The following TSC1 variants were observed in gnomAD, a reference collection of about 807,000 sequenced individuals.
The protein encoded by TSC1 is hamartin.
A neutral mutation model predicts 124.3 loss-of-function variants in TSC1; 20 were observed. The ratio of observed to expected loss-of-function variants is 0.16; its 90% CI spans 0.11 to 0.23. The LOEUF is 0.23. Among genes scored for constraint, TSC1 ranks in the 10% least tolerant of loss-of-function variants. The pLI is 1.00. For missense variants in TSC1, 1,124 were observed against 1,448.5 expected, an observed-to-expected ratio of 0.78 and a Z score of 3.64; for synonymous variants, 493 against 539.1, an observed-to-expected ratio of 0.91 and a Z score of 1.19.
chr9:132,906,195 A>G lies in TSC1; in HGVS notation c.1439-56T>C, dbSNP rs2131853446. ...GCAGTCGGTATTCCACCTGGGAAAG[A>G]CTAGGCAGTTTGGGTGGCATGCTGC... On this transcript the variant is annotated intron_variant, in intron 14 of 22. Transcript: ENST00000298552. The surrounding 1 kb of genome is among the most constrained non-coding windows in gnomAD (Gnocchi z 4.1). The G allele has an allele frequency of 6.4e-7, 1 of 1,574,400 alleles. No individual in the cohort carries two copies. Among genetic ancestry groups the G allele is most frequent in the Non-Finnish European group, 8.6e-7 (1 of 1,157,362 alleles).
chr9:132,929,784 G>A (rs1388919322), intron 2 of TSC1, among the ~76,000 whole-genome samples: 1 of 152,192 alleles, frequency 6.6e-6, no homozygotes, highest in East Asian at 1.9e-4. Flanking sequence ...TGACCACCAT[G>A]TAATTGGCAC....
At position 132,896,940 on chromosome 9, in the gene TSC1, G is replaced by A. The variant is rs1435301124; in HGVS notation, c.2976-186C>T. 6.6e-6 allele frequency among the ~76,000 whole-genome samples: 1 copy of A among 152,198 alleles called. No homozygotes were observed. Among genetic ancestry groups the A allele is most frequent in the Admixed American group, 6.5e-5 (1 of 15,284 alleles). On this transcript the variant is annotated intron_variant, in intron 22 of 22. Coordinates refer to ENST00000298552, the MANE Select transcript of TSC1 (RefSeq NM_000368.5). The surrounding 1 kb of genome is among the most constrained non-coding windows in gnomAD (Gnocchi z 4.5). ...TAAATCACAACTAGGGATAGTAGGT[G>A]GCAATCTTAAGTGTGAACACTTCCT...
At chr9:132,941,914 A>G (rs1011700772) in intron 1 of TSC1, 1 of 152,248 alleles carries the variant, frequency 6.6e-6, no homozygotes, top group African/African-American at 2.4e-5. Context: ...ACAGATGAAG[A>G]CACAGGCTCA....
chr9:132,902,847 A>G lies in TSC1; in HGVS notation c.2209-60T>C. On this transcript the variant is annotated intron_variant, in intron 17 of 22. Coordinates refer to ENST00000298552, the MANE Select transcript of TSC1 (RefSeq NM_000368.5). The surrounding 1 kb of genome is among the most constrained non-coding windows in gnomAD (Gnocchi z 5.2). ...TCTTCCAACACAGGCAATTTAACAC[A>G]CACTGCGAACATTTCATCTGAATAG... 1 of 1,584,784 alleles carries G rather than the reference A, an allele frequency of 6.3e-7. No homozygotes were observed. Among genetic ancestry groups the G allele is most frequent in the Non-Finnish European group, 8.6e-7 (1 of 1,156,636 alleles).
At chr9:132,910,462 T>C (rs543519690) in intron 12 of TSC1, 109 bp downstream of exon 12, 4 of 1,580,414 alleles carry the variant, frequency 2.5e-6, no homozygotes, top group Non-Finnish European at 3.5e-6. Flanking sequence ...TTCAAACCCA[T>C]TGCATTTTAG....
intron 5 of TSC1, among the ~76,000 whole-genome samples, chr9:132,924,112 C>T (rs545146213): frequency 6.6e-6 from 1 of 152,078 alleles, no homozygotes; most frequent in Non-Finnish European, 1.5e-5. Flanking sequence ...AATATTAAGT[C>T]AAATAAATAA....
chr9:132,935,664 C>T lies in TSC1; in HGVS notation c.-143-569G>A, dbSNP rs186205061. Among the ~76,000 whole-genome samples, 492 of 152,316 alleles carry T rather than the reference C, an allele frequency of 3.2e-3. 3 individuals are homozygous for T. The highest frequency in any genetic ancestry group is 0.011 in the African/African-American group (455 of 41,570). The stretch of plus-strand genomic sequence containing the variant: ...ACTGAGTGGGCCTGCAGGGCCTCAC[C>T]GCCTGCCACAGTCCCCACAGTCCTC... On this transcript the variant is annotated intron_variant, in intron 1 of 22. Transcript: ENST00000298552.
Position 132,892,700 on chromosome 9 carries a change from CCTT to C in TSC1, c.*3532_*3534del, listed in dbSNP as rs1435633659. 3 of 233,296 alleles carry C rather than the reference CCTT, an allele frequency of 1.3e-5. No homozygotes were observed. Among genetic ancestry groups the C allele is most frequent in the African/African-American group, 4.4e-5 (2 of 45,466 alleles). 14.5% of individuals were successfully genotyped at this position (233,296 alleles called of 1,614,324 possible). On this transcript the variant is annotated 3_prime_UTR_variant, in exon 23 of 23. Coordinates refer to ENST00000298552, the MANE Select transcript of TSC1 (RefSeq NM_000368.5). ...ACTTTTGTTTGCTCTTCGGTTCTTT[CCTT>C]CTTCAAGTGGTATGCTCTACTATTT...
At chr9:132,914,911 C>A (rs182187906) in intron 8 of TSC1, among the ~76,000 whole-genome samples, 3 of 151,844 alleles carry the variant, frequency 2.0e-5, no homozygotes, top group Non-Finnish European at 4.4e-5. Context: ...CATGGTGGCT[C>A]ACACCTGTAA....
At chr9:132,943,220 T>C (rs1422363841) in intron 1 of TSC1, among the ~76,000 whole-genome samples, 1 of 145,830 alleles carries the variant, frequency 6.9e-6, no homozygotes, top group Non-Finnish European at 1.5e-5. Context: ...GTTATTTGTA[T>C]GCTTTCTATT....
rs1437648783 is a variant in TSC1 at position 132,902,092 on chromosome 9, G to C, written c.2392-393C>G. The stretch of plus-strand genomic sequence containing the variant: ...CTGTGGATGACGTCTTTGTGAAGCC[G>C]GGTTTTTTTGGGTGCAGTGATACAA... On this transcript the variant is annotated intron_variant, in intron 18 of 22. Coordinates refer to ENST00000298552, the MANE Select transcript of TSC1 (RefSeq NM_000368.5). This position sits in a 1 kb window ranked among gnomAD's most constrained non-coding sequence, Gnocchi z 5.2. 1 of 241,872 alleles carries C rather than the reference G, an allele frequency of 4.1e-6. No homozygotes were observed. The highest frequency in any genetic ancestry group is 2.3e-5 in the African/African-American group (1 of 43,678). The allele number at this position is 241,872 out of a possible 1,614,324, so 15.0% of individuals were successfully genotyped here.
At chr9:132,916,603 C>T (rs896819787) in intron 8 of TSC1, among the ~76,000 whole-genome samples, 9 of 152,174 alleles carry the variant, frequency 5.9e-5, no homozygotes, top group Non-Finnish European at 1.3e-4. Flanking sequence ...GATAATATTT[C>T]CTTTCTTGTA....
intron 8 of TSC1, among the ~76,000 whole-genome samples, chr9:132,916,146 C>T (rs1846263468): frequency 6.6e-6 from 1 of 152,220 alleles, no homozygotes; most frequent in Admixed American, 6.5e-5. Context: ...GAACCATCGT[C>T]TAATCAAATG....
chr9:132,928,976 T>A (rs1255559418), intron 2 of TSC1, 24 bp from the exon 3 acceptor site: 13 of 1,560,290 alleles, frequency 8.3e-6, no homozygotes, highest in Non-Finnish European at 9.5e-6. Context: ...AGATGAACAG[T>A]CACTAAATGG....
chr9:132,931,231 C>CT (rs1169753193), intron 2 of TSC1: 1 of 152,196 alleles, frequency 6.6e-6, no homozygotes, highest in Admixed American at 6.5e-5. Context: ...TAGGGAGACT[C>CT]TGAGTTTGCC....
intron 2 of TSC1, among the ~76,000 whole-genome samples, chr9:132,934,724 T>C (rs1439666003): frequency 1.3e-5 from 2 of 152,242 alleles, no homozygotes; most frequent in Non-Finnish European, 2.9e-5. Flanking sequence ...TTGAGTCCAC[T>C]AAGTACCAGC....
At chr9:132,933,806 T>A (rs988855291) in intron 2 of TSC1, among the ~76,000 whole-genome samples, 5 of 152,238 alleles carry the variant, frequency 3.3e-5, no homozygotes, top group African/African-American at 1.2e-4. Flanking sequence ...GATTTACTTT[T>A]GTATCCCAGA....
At chr9:132,901,787 G>T (rs879760138) in intron 18 of TSC1, 88 bp from the exon 19 acceptor site, 3 of 1,192,408 alleles carry the variant, frequency 2.5e-6, no homozygotes, top group Non-Finnish European at 3.7e-6. Flanking sequence ...CAGAGGACTG[G>T]GAATGCCTTA....
In TSC1 at chr9:132,920,439, G is replaced by GT. The variant is rs529052759; in HGVS notation, c.737+923dup. Among the ~76,000 whole-genome samples the GT allele has an allele frequency of 1.2e-3, 180 of 152,122 alleles. 1 individual carries two copies. Among genetic ancestry groups the GT allele is most frequent in the African/African-American group, 4.1e-3 (170 of 41,504 alleles). On this transcript the variant is annotated intron_variant, in intron 8 of 22. Coordinates refer to ENST00000298552, the MANE Select transcript of TSC1 (RefSeq NM_000368.5). ...GCCTCTAAGGTACCAGTAATGTTCTGTTTTTTTTAAGCTAGGTGCCAGCTA... is the reference window on the plus strand; with the variant it reads ...GCCTCTAAGGTACCAGTAATGTTCTGTTTTTTTTTAAGCTAGGTGCCAGCTA...
Sources: allele counts gnomAD v4.1 joint callset (sites outside exome capture counted in the v4.1 genomes callset), GRCh38; gene constraint gnomAD v4.1.1; non-coding constraint Gnocchi (gnomAD v3.1); transcripts MANE v1.5; gene names NCBI Gene and HGNC (gene_info 2026-07-23, HGNC 2026-07-21).